PRICKLE1: variants seen among roughly 807,000 people sequenced by gnomAD.
PRICKLE1 encodes prickle-like protein 1.
PRICKLE1 carries 14 observed loss-of-function variants against 70.2 expected under a neutral mutation model. The ratio of observed to expected loss-of-function variants is 0.20; its 90% confidence interval spans 0.13 to 0.31. The LOEUF (loss-of-function observed/expected upper bound fraction) is 0.31, where lower values mean the gene tolerates loss of function less well. Among genes scored for constraint, PRICKLE1 ranks in the 10% least tolerant of loss-of-function variants. The pLI, the probability that PRICKLE1 is intolerant of heterozygous loss-of-function variation, is 1.00. For synonymous variants in PRICKLE1, 357 were observed against 379.9 expected, an observed-to-expected ratio of 0.94 and a Z score of 0.70; for missense variants, 821 against 1,026.2, an observed-to-expected ratio of 0.80 and a Z score of 2.73.
At chr12:42,522,917 C>T (rs1318836386) in intron 1 of PRICKLE1, among the ~76,000 whole-genome samples, 1 of 151,966 alleles carries the variant, frequency 6.6e-6, no homozygotes, top group African/African-American at 2.4e-5. Context: ...AAAGACTACC[C>T]ATGTCCCAAA....
At chr12:42,556,192 T>C (rs1303610523) in intron 1 of PRICKLE1, among the ~76,000 whole-genome samples, 2 of 152,198 alleles carry the variant, frequency 1.3e-5, no homozygotes, top group Admixed American at 1.3e-4. Flanking sequence ...AGCAAAAAGC[T>C]ACAGACTTCA....
At chr12:42,576,443 T>C (rs1033639141) in intron 1 of PRICKLE1, among the ~76,000 whole-genome samples, 4 of 152,186 alleles carry the variant, frequency 2.6e-5, no homozygotes, top group Non-Finnish European at 4.4e-5. Context: ...CGACTTTATT[T>C]CTGTTCCACC....
intron 1 of PRICKLE1, among the ~76,000 whole-genome samples, chr12:42,477,457 C>CATAT (rs1491500639): frequency 1.7e-5 from 1 of 58,292 alleles, no homozygotes; most frequent in Non-Finnish European, 3.6e-5. Flanking sequence ...TATGTATATA[C>CATAT]GTATATATGT....
chr12:42,564,338 G>A (rs1940585632), intron 1 of PRICKLE1, among the ~76,000 whole-genome samples: 1 of 152,016 alleles, frequency 6.6e-6, no homozygotes, highest in African/African-American at 2.4e-5. Flanking sequence ...CGGGCGTGGT[G>A]GCTCACGCCT....
chr12:42,484,449 A>G (rs950636360), intron 1 of PRICKLE1: 2 of 152,180 alleles, frequency 1.3e-5, no homozygotes, highest in Admixed American at 6.5e-5. Context: ...GCCCATAACA[A>G]TGATGTCAGC....
intron 1 of PRICKLE1, among the ~76,000 whole-genome samples, chr12:42,534,874 G>A (rs1377675935): frequency 6.6e-6 from 1 of 152,206 alleles, no homozygotes; most frequent in African/African-American, 2.4e-5. Flanking sequence ...AAGCCATGGA[G>A]TAAGGACAAA....
intron 1 of PRICKLE1, among the ~76,000 whole-genome samples, chr12:42,540,217 A>G (rs919490664): frequency 6.6e-6 from 1 of 152,248 alleles, no homozygotes; most frequent in Non-Finnish European, 1.5e-5. Context: ...TGTGGAGAGG[A>G]TAACTGATAG....
intron 1 of PRICKLE1, among the ~76,000 whole-genome samples, chr12:42,526,596 T>G (rs6582399): frequency 0.59 from 89,623 of 151,414 alleles, 26,647 homozygotes; most frequent in East Asian, 0.77. Flanking sequence ...GGATAGAGAG[T>G]CCTGGAGGAG....
At chr12:42,544,331 A>AT (rs1200021273) in intron 1 of PRICKLE1, among the ~76,000 whole-genome samples, 4 of 151,968 alleles carry the variant, frequency 2.6e-5, no homozygotes, top group African/African-American at 7.3e-5. Flanking sequence ...AGTAGATGTA[A>AT]TTTTTTTTGT....
At position 42,581,401 on chromosome 12, in the gene PRICKLE1, G is replaced by A. The variant is rs1345358719; in HGVS notation, c.-49+8064C>T. Among the ~76,000 whole-genome samples the A allele has an allele frequency of 2.0e-5, 3 of 151,796 alleles. No individual in the cohort carries two copies. In the East Asian group the frequency reaches 5.8e-4, roughly 29 times the overall value. On this transcript the variant is annotated intron_variant, in intron 1 of 7. Transcript: ENST00000345127. ...TCCCTCCACTACTGTCTATTTTGGGGTCTCTGCTTGAGAAAAAACAGGATA... is the reference window on the plus strand; with the variant it reads ...TCCCTCCACTACTGTCTATTTTGGGATCTCTGCTTGAGAAAAAACAGGATA...
chr12:42,577,399 A>G (rs1488970845), intron 1 of PRICKLE1, among the ~76,000 whole-genome samples: 1 of 152,160 alleles, frequency 6.6e-6, no homozygotes, highest in African/African-American at 2.4e-5. Flanking sequence ...GGCCTTTAAA[A>G]CATAGCTATT....
At position 42,535,507 on chromosome 12, in the gene PRICKLE1, G is replaced by C. The variant is rs4353330; in HGVS notation, c.-49+53958C>G. Among the ~76,000 whole-genome samples the C allele has an allele frequency of 5.2e-3, 794 of 152,324 alleles. 8 individuals carry two copies. Among genetic ancestry groups the C allele is most frequent in the African/African-American group, 0.018 (755 of 41,574 alleles). The stretch of plus-strand genomic sequence containing the variant: ...TGTTAGCCAAAATAGCAGAAAGGTG[G>C]TCAGAAAGATCCTAAATTTTATGAC... On this transcript the variant is annotated intron_variant, in intron 1 of 7. Coordinates refer to ENST00000345127, the MANE Select transcript of PRICKLE1 (RefSeq NM_153026.3).
intron 1 of PRICKLE1, among the ~76,000 whole-genome samples, chr12:42,512,972 A>G (rs141881335): frequency 3.5e-5 from 4 of 113,526 alleles, no homozygotes; most frequent in Admixed American, 9.4e-5. Flanking sequence ...TATTATTATT[A>G]TTGTTATTTT....
At chr12:42,545,961 AT>A (rs1245255448) in intron 1 of PRICKLE1, among the ~76,000 whole-genome samples, 5 of 151,764 alleles carry the variant, frequency 3.3e-5, no homozygotes, top group Admixed American at 6.6e-5. Context: ...GTAAAAAAAA[AT>A]CTATAGTCAA....
chr12:42,549,579 A>G (rs1411019983), intron 1 of PRICKLE1, among the ~76,000 whole-genome samples: 1 of 152,068 alleles, frequency 6.6e-6, no homozygotes, highest in Non-Finnish European at 1.5e-5. Flanking sequence ...AGAATGCACA[A>G]GCCTCCTCCC....
At chr12:42,527,333 A>C (rs11614536) in intron 1 of PRICKLE1, among the ~76,000 whole-genome samples, 85,714 of 151,416 alleles carry the variant, frequency 0.57, 24,467 homozygotes, top group Admixed American at 0.67. Flanking sequence ...GGGTTTTGCC[A>C]TGTTGGCCAG....
chr12:42,559,850 C>T (rs964388511), intron 1 of PRICKLE1, among the ~76,000 whole-genome samples: 1 of 151,680 alleles, frequency 6.6e-6, no homozygotes, highest in Admixed American at 6.6e-5. Context: ...ATGTCTTTAT[C>T]AAGTTCTCAC....
intron 1 of PRICKLE1, among the ~76,000 whole-genome samples, chr12:42,474,801 T>C (rs1382702945): frequency 6.6e-6 from 1 of 152,204 alleles, no homozygotes; most frequent in Non-Finnish European, 1.5e-5. Context: ...ATCTGCCCCC[T>C]GCTAAATCAG....
At chr12:42,561,100 T>A (rs1239202751) in intron 1 of PRICKLE1, among the ~76,000 whole-genome samples, 1 of 152,152 alleles carries the variant, frequency 6.6e-6, no homozygotes, top group Non-Finnish European at 1.5e-5. Context: ...GACTTAGAGG[T>A]TAGACTTCAA....
Sources: gnomAD v4.1 joint callset for allele counts (sites outside exome capture counted in the v4.1 genomes callset) on GRCh38, gnomAD v4.1.1 for gene constraint, MANE v1.5 for transcripts, NCBI Gene and HGNC (gene_info 2026-07-23, HGNC 2026-07-21) for gene names.